Variants in HSF5 observed in about 807,000 individuals in gnomAD.
HSF5 encodes heat shock factor protein 5.
HSF5 carries 5 observed loss-of-function variants against 50.8 expected under a neutral mutation model. That is an observed-to-expected ratio of 0.10 (90% CI 0.05 to 0.21). The LOEUF (loss-of-function observed/expected upper bound fraction) is 0.21, where lower values mean the gene tolerates loss of function less well. HSF5 is among the 10% of genes least tolerant of loss of function. The probability of loss-of-function intolerance (pLI) is 1.00; values close to 1 mark genes in which losing one functional copy is unlikely to be tolerated. For synonymous variants in HSF5, 307 were observed against 307.4 expected (o/e 1.00, Z 0.02); for missense variants, 564 against 762.6 (o/e 0.74, Z 3.07).
At chr17:58,425,363 G>A (rs937856400) in intron 5 of HSF5, among the ~76,000 whole-genome samples, 16 of 151,064 alleles carry the variant, frequency 1.1e-4, no homozygotes, top group Non-Finnish European at 2.2e-4. Flanking sequence ...CCGAGATTGC[G>A]TCATTGCACT....
intron 2 of HSF5, chr17:58,476,993 G>T: frequency 1.7e-6 from 1 of 601,812 alleles, no homozygotes; most frequent in Non-Finnish European, 2.9e-6. Context: ...GGAAGGCTAA[G>T]GGAACAGGCA....
intron 5 of HSF5, among the ~76,000 whole-genome samples, chr17:58,435,813 G>A (rs1974420756): frequency 6.6e-6 from 1 of 150,488 alleles, no homozygotes; most frequent in East Asian, 2.0e-4. Flanking sequence ...GCAGGAGAAT[G>A]GTGTGAACCT....
chr17:58,447,646 C>T (rs1713039055), intron 5 of HSF5, among the ~76,000 whole-genome samples: 1 of 152,184 alleles, frequency 6.6e-6, no homozygotes, highest in African/African-American at 2.4e-5. Context: ...GACTAGGAGT[C>T]TGCAAGAGCT....
rs1469176048 is a variant in HSF5, at chr17:58,451,780, C to T, written c.1720+6988G>A. Among the ~76,000 whole-genome samples the T allele has an allele frequency of 6.6e-5, 10 of 151,626 alleles. No individual in the cohort carries two copies. The East Asian group carries it at 1.9e-3, about 29-fold the overall frequency. On this transcript the variant is annotated intron_variant, in intron 5 of 5. Coordinates refer to ENST00000323777, the MANE Select transcript of HSF5 (RefSeq NM_001080439.3). ...CAATATTATATTACATCTCAAGGAA[C>T]TAGAAAGACAAAAACAATCTAAACC...
chr17:58,436,662 A>G (rs1010880741), intron 5 of HSF5, among the ~76,000 whole-genome samples: 2 of 152,158 alleles, frequency 1.3e-5, no homozygotes, highest in African/African-American at 4.8e-5. Context: ...CAGGCACCAG[A>G]GTTCCTCTCA....
chr17:58,470,448 T>A (rs894333484), intron 2 of HSF5, among the ~76,000 whole-genome samples: 36 of 152,296 alleles, frequency 2.4e-4, no homozygotes, highest in African/African-American at 7.7e-4. Context: ...CATGTAAGGT[T>A]CCTAGAAAAG....
intron 5 of HSF5, among the ~76,000 whole-genome samples, chr17:58,442,400 C>T (rs968387411): frequency 3.9e-5 from 6 of 152,090 alleles, no homozygotes; most frequent in Non-Finnish European, 7.4e-5. Context: ...GGGAAAGTGG[C>T]CATCCTTGCC....
rs1215349932 is a variant in HSF5, at chr17:58,462,944, G to A, written c.1380C>T (p.Tyr460=). The A allele has an allele frequency of 6.2e-7, 1 of 1,614,192 alleles. No individual in the cohort carries two copies. The highest frequency in any genetic ancestry group is 8.5e-7 in the Non-Finnish European group (1 of 1,180,030). ...GCTGAGCTGTGTGGATGGTATAGATGTACTCAGGTGACTGTGGTAGAGAGC... is the reference window on the plus strand; with the variant it reads ...GCTGAGCTGTGTGGATGGTATAGATATACTCAGGTGACTGTGGTAGAGAGC... The part of the protein sequence containing the change: ...VACSLPQSPE[Y]IYTIHTAQPV... Residue 460 remains tyrosine (Y), a synonymous_variant, in exon 4 of 6, where the codon TAC becomes TAT. Transcript: ENST00000323777.
chr17:58,457,730 G>A (rs759761624), intron 5 of HSF5, among the ~76,000 whole-genome samples: 73 of 152,284 alleles, frequency 4.8e-4, no homozygotes, highest in Non-Finnish European at 2.6e-4. Context: ...AAATGGATAC[G>A]GTAAATGTTA....
chr17:58,480,348 T>C, intron 1 of HSF5, 81 bp from the exon 2 acceptor site: 2 of 1,378,866 alleles, frequency 1.5e-6, no homozygotes, highest in Non-Finnish European at 2.0e-6. Context: ...TAAAATATGC[T>C]ACTCTTCACC....
intron 1 of HSF5, among the ~76,000 whole-genome samples, chr17:58,482,012 T>C (rs1975104072): frequency 6.6e-6 from 1 of 151,960 alleles, no homozygotes; most frequent in African/African-American, 2.4e-5. Context: ...AAAGAAATAA[T>C]AAAGTATTAT....
At chr17:58,459,870 G>A (rs527709617) in intron 4 of HSF5, among the ~76,000 whole-genome samples, 38 of 152,104 alleles carry the variant, frequency 2.5e-4, no homozygotes, top group African/African-American at 8.4e-4. Flanking sequence ...CTCTCCTGTT[G>A]GAATGGCCAT....
At chr17:58,432,303 T>C (rs1415862144) in intron 5 of HSF5, among the ~76,000 whole-genome samples, 1 of 149,718 alleles carries the variant, frequency 6.7e-6, no homozygotes, top group Non-Finnish European at 1.5e-5. Flanking sequence ...TATAGAAAAA[T>C]AGCAAGTAGT....
At chr17:58,450,986 G>A (rs956870983) in intron 5 of HSF5, among the ~76,000 whole-genome samples, 1 of 152,144 alleles carries the variant, frequency 6.6e-6, no homozygotes, top group Non-Finnish European at 1.5e-5. Context: ...CTACTTGGGA[G>A]GCTGAGGCAG....
intron 4 of HSF5, among the ~76,000 whole-genome samples, chr17:58,460,252 C>G (rs936089948): frequency 7.9e-5 from 12 of 152,090 alleles, no homozygotes; most frequent in African/African-American, 2.7e-4. Flanking sequence ...TTCCTGGGTT[C>G]AAGCGATCCT....
At chr17:58,475,083 C>T (rs1237992612) in intron 2 of HSF5, among the ~76,000 whole-genome samples, 1 of 152,094 alleles carries the variant, frequency 6.6e-6, no homozygotes, top group African/African-American at 2.4e-5. Context: ...CAACGCCATT[C>T]ACCAAAAGAG....
chr17:58,448,683 A>T (rs1450047253), intron 5 of HSF5, among the ~76,000 whole-genome samples: 1 of 152,230 alleles, frequency 6.6e-6, no homozygotes, highest in African/African-American at 2.4e-5. Flanking sequence ...CCCAAACAAA[A>T]GCTGAGAGAA....
chr17:58,462,868 C>G lies in HSF5; in HGVS notation c.1456G>C (p.Val486Leu). The G allele has an allele frequency of 6.2e-7, 1 of 1,614,132 alleles. No individual in the cohort carries two copies. The highest frequency in any genetic ancestry group is 8.5e-7 in the Non-Finnish European group (1 of 1,179,998). The change falls in exon 4 of 6, where the codon GTC becomes CTC. Residue 486 changes from valine (V) to leucine (L), a missense_variant. Physicochemically the swap from Val to Leu is conservative, Grantham distance 32. Transcript: ENST00000323777. Reference sequence around the variant, plus strand: ...TGATTTAGGTGCTCCTTCAGTTTGACATGAGCTTGCTGGATGGCTGCAGAT... The same window carrying G: ...TGATTTAGGTGCTCCTTCAGTTTGAGATGAGCTTGCTGGATGGCTGCAGAT... The part of the protein sequence containing the change: ...QESAAIQQAH[V>L]KLKEHLNHNP...
intron 5 of HSF5, among the ~76,000 whole-genome samples, chr17:58,444,639 C>T (rs1033043366): frequency 1.3e-5 from 2 of 152,034 alleles, no homozygotes; most frequent in East Asian, 3.9e-4. Context: ...TAGAAGAAAA[C>T]AGAGAGAGAT....
Sources: allele counts gnomAD v4.1 joint callset (sites outside exome capture counted in the v4.1 genomes callset), GRCh38; gene constraint gnomAD v4.1.1; transcripts MANE v1.5; gene names NCBI Gene and HGNC (gene_info 2026-07-23, HGNC 2026-07-21).